The following MAP3K4 variants were observed in gnomAD, a reference collection of about 807,000 sequenced individuals.
MAP3K4 encodes mitogen-activated protein kinase kinase kinase 4, also known as MAP three kinase 1.
In MAP3K4, 67 loss-of-function variants were observed where a neutral mutation model predicts 185.6. The ratio of observed to expected loss-of-function variants is 0.36; its 90% CI spans 0.30 to 0.44. MAP3K4 has a LOEUF of 0.44. Among genes scored for constraint, MAP3K4 ranks in the 20% least tolerant of loss-of-function variants. MAP3K4 has a pLI of 1.00. For synonymous variants in MAP3K4, 702 were observed against 710.4 expected, an observed-to-expected ratio of 0.99 and a Z score of 0.19; for missense variants, 1,551 against 1,995.1, an observed-to-expected ratio of 0.78 and a Z score of 4.24.
chr6:160,992,381 A>G, intron 1 of MAP3K4: 5 of 450,052 alleles, frequency 1.1e-5, no homozygotes, highest in Non-Finnish European at 1.9e-5. Flanking sequence ...CTGGGAGCAG[A>G]GTGCGGCTGC....
At chr6:161,020,144 A>C (rs566795494) in intron 1 of MAP3K4, among the ~76,000 whole-genome samples, 3 of 152,224 alleles carry the variant, frequency 2.0e-5, no homozygotes, top group African/African-American at 7.2e-5. Context: ...AATACATGTC[A>C]CTGTGAGATA....
chr6:161,030,512 A>G (rs566529365), intron 1 of MAP3K4, among the ~76,000 whole-genome samples: 7 of 152,068 alleles, frequency 4.6e-5, no homozygotes, highest in African/African-American at 1.7e-4. Context: ...GTGCCAGCTC[A>G]AGTGATCCTC....
Position 161,091,664 on chromosome 6 carries a change from T to C in MAP3K4, c.3135+124T>C. 1 of 822,252 alleles carries C rather than the reference T, an allele frequency of 1.2e-6. No individual in the cohort carries two copies. Among genetic ancestry groups the C allele is most frequent in the Non-Finnish European group, 1.9e-6 (1 of 519,014 alleles). The allele number at this position is 822,252 out of a possible 1,614,324, so 50.9% of individuals were successfully genotyped here. ...TCATAGCTTAATCAAGAATATCATC[T>C]TATATCACTGCTGTATATCAGAGAT... On this transcript the variant is annotated intron_variant, in intron 12 of 26. Transcript: ENST00000392142. The surrounding 1 kb of genome is among the most constrained non-coding windows in gnomAD (Gnocchi z 5.5).
At position 161,073,580 on chromosome 6, in the gene MAP3K4, G is replaced by A. The variant is rs764381750; in HGVS notation, c.2065G>A (p.Ala689Thr). The A allele has an allele frequency of 3.5e-5, 57 of 1,613,878 alleles. No individual in the cohort carries two copies. Among genetic ancestry groups the A allele is most frequent in the South Asian group, 4.4e-5 (4 of 91,066 alleles). ...DLEKPDCNID[A>T]FEEDLHKMLM... is the part of the protein sequence containing the mutation. ...GGAGAAGCCCGACTGCAACATTGAC[G>A]CTTTTGAAGAGGATCTACATAAAAT... Residue 689 changes from alanine to threonine, a missense_variant, in exon 5 of 27, where the codon GCT becomes ACT. Ala to Thr is a moderately conservative substitution (Grantham distance 58). Transcript: ENST00000392142. This position sits in a 1 kb window ranked among gnomAD's most constrained non-coding sequence, Gnocchi z 4.2.
rs1785194750 is a variant in MAP3K4, at chr6:161,076,721, A to T, written c.2097+3109A>T. 6.6e-6 allele frequency among the ~76,000 whole-genome samples: 1 copy of T among 152,240 alleles called. No individual in the cohort carries two copies. The highest frequency in any genetic ancestry group is 6.5e-5 in the Admixed American group (1 of 15,284). On this transcript the variant is annotated intron_variant, in intron 5 of 26. Transcript: ENST00000392142. The surrounding 1 kb of genome is among the most constrained non-coding windows in gnomAD (Gnocchi z 4.2). ...GTAGAAGAGACACAAGAGAGCTCAC[A>T]TGTACACAATTTGAGTTTCTGCAGA...
chr6:161,060,936 A>G (rs1207931613), intron 3 of MAP3K4, among the ~76,000 whole-genome samples: 2 of 152,148 alleles, frequency 1.3e-5, no homozygotes, highest in Non-Finnish European at 2.9e-5. Flanking sequence ...AATCAGGTAC[A>G]TTTTTAAGGA....
In MAP3K4 at chr6:161,008,279, G is replaced by C. The variant is rs1781689504; in HGVS notation, c.152+16196G>C. ...TTTGTCGGACTCTTAGGATGTTTCT[G>C]TTTCTTTTACTGTTATGAATGAGGT... On this transcript the variant is annotated intron_variant, in intron 1 of 26. Coordinates refer to ENST00000392142, the MANE Select transcript of MAP3K4 (RefSeq NM_005922.4). This position sits in a 1 kb window ranked among gnomAD's most constrained non-coding sequence, Gnocchi z 4.1. 6.6e-6 allele frequency among the ~76,000 whole-genome samples: 1 copy of C among 152,008 alleles called. No individual in the cohort carries two copies. Among genetic ancestry groups the C allele is most frequent in the Non-Finnish European group, 1.5e-5 (1 of 67,966 alleles).
rs1778190696 is a variant in MAP3K4 at position 161,108,276 on chromosome 6, T to C, written c.4119+307T>C. Among the ~76,000 whole-genome samples, 1 of 152,174 alleles carries C rather than the reference T, an allele frequency of 6.6e-6. No individual in the cohort carries two copies. Among genetic ancestry groups the C allele is most frequent in the Non-Finnish European group, 1.5e-5 (1 of 68,026 alleles). Reference sequence around the variant, plus strand: ...GGAGAGGATTAACAGTAGTGTCTTATGGGGACACATTGGGGGAGAAGATAA... The same window carrying C: ...GGAGAGGATTAACAGTAGTGTCTTACGGGGACACATTGGGGGAGAAGATAA... On this transcript the variant is annotated intron_variant, in intron 21 of 26. Coordinates refer to ENST00000392142, the MANE Select transcript of MAP3K4 (RefSeq NM_005922.4). The surrounding 1 kb of genome is among the most constrained non-coding windows in gnomAD (Gnocchi z 5.7).
At chr6:161,044,640 TGTCA>T (rs959350056) in intron 2 of MAP3K4, among the ~76,000 whole-genome samples, 1 of 152,224 alleles carries the variant, frequency 6.6e-6, no homozygotes, top group Non-Finnish European at 1.5e-5. Flanking sequence ...TTACTCTCTG[TGTCA>T]GTCCATTTTG....
Position 161,093,754 on chromosome 6 carries a change from A to C in MAP3K4, c.3349-19A>C, listed in dbSNP as rs1302805611. On this transcript the variant is annotated intron_variant, in intron 14 of 26. Transcript: ENST00000392142. The surrounding 1 kb of genome is among the most constrained non-coding windows in gnomAD (Gnocchi z 5.2). The stretch of plus-strand genomic sequence containing the variant: ...TGCATGTTTTCTCTTTACCTTTCCC[A>C]TTTTCTTTTGGTTTCTAGAGTTTAC... The C allele has an allele frequency of 6.5e-7, 1 of 1,541,060 alleles. No homozygotes were observed. Among genetic ancestry groups the C allele is most frequent in the Non-Finnish European group, 8.9e-7 (1 of 1,119,572 alleles).
chr6:161,073,293 G>A lies in MAP3K4; in HGVS notation c.1951-173G>A. ...CACTGTTTTGTTGCTTCTCAATTGA[G>A]ACTACTAAGGTATTTACATAAAATG... On this transcript the variant is annotated intron_variant, in intron 4 of 26. Coordinates refer to ENST00000392142, the MANE Select transcript of MAP3K4 (RefSeq NM_005922.4). The surrounding 1 kb of genome is among the most constrained non-coding windows in gnomAD (Gnocchi z 4.2). 2.2e-6 allele frequency: 1 copy of A among 464,344 alleles called. No homozygotes were observed. The highest frequency in any genetic ancestry group is 3.7e-6 in the Non-Finnish European group (1 of 270,498). The allele number at this position is 464,344 out of a possible 1,614,324, so 28.8% of individuals were successfully genotyped here. A position where few individuals can be genotyped will look rare whatever the true frequency, so the allele number is the denominator to read the frequency against.
chr6:161,027,514 C>T (rs753166655), intron 1 of MAP3K4, among the ~76,000 whole-genome samples: 8 of 152,096 alleles, frequency 5.3e-5, no homozygotes, highest in Non-Finnish European at 7.4e-5. Flanking sequence ...CCAGAAAAAT[C>T]GCTCTACAAA....
At position 161,106,538 on chromosome 6, in the gene MAP3K4, T is replaced by C. The variant is rs772984696; in HGVS notation, c.3881T>C (p.Ile1294Thr). ...SKDTASKLGP[I>T]EAIQKSVRLF... Reference sequence around the variant, plus strand: ...GATACTGCTTCTAAACTAGGACCCATAGAAGCTATCCAGAAGTCAGTCCGA... The same window carrying C: ...GATACTGCTTCTAAACTAGGACCCACAGAAGCTATCCAGAAGTCAGTCCGA... The change falls in exon 20 of 27, where the codon ATA becomes ACA. Residue 1294 changes from isoleucine (I) to threonine (T), a missense_variant. Around this residue, in one of 16 missense-constraint regions of MAP3K4, gnomAD observed 272 missense variants for 301.2 expected, o/e 0.90. Coordinates refer to ENST00000392142, the MANE Select transcript of MAP3K4 (RefSeq NM_005922.4). This position sits in a 1 kb window ranked among gnomAD's most constrained non-coding sequence, Gnocchi z 4.9. 5 of 1,612,164 alleles carry C rather than the reference T, an allele frequency of 3.1e-6. No individual in the cohort carries two copies. Among genetic ancestry groups the C allele is most frequent in the Non-Finnish European group, 2.5e-6 (3 of 1,179,236 alleles).
chr6:161,067,253 A>G lies in MAP3K4; in HGVS notation c.1708-3355A>G. The G allele has an allele frequency of 2.3e-6, 1 of 442,896 alleles. No individual in the cohort carries two copies. Among genetic ancestry groups the G allele is most frequent in the Non-Finnish European group, 4.5e-6 (1 of 220,320 alleles). 27.4% of individuals were successfully genotyped at this position (442,896 alleles called of 1,614,324 possible). A position where few individuals can be genotyped will look rare whatever the true frequency, so the allele number is the denominator to read the frequency against. On this transcript the variant is annotated intron_variant, in intron 3 of 26. Transcript: ENST00000392142. The surrounding 1 kb of genome is among the most constrained non-coding windows in gnomAD (Gnocchi z 6.3). ...AAGATGTACATTGGTTCCATCCAGA[A>G]AGACAGGACAACTCGAAGCAGGGAT...
Position 161,106,449 on chromosome 6 carries a change from T to G in MAP3K4, c.3857-65T>G. ...TATATATTGCTCTATTTTTATTGGT[T>G]TGTCTTTTGGAAACTGACTTGATAA... is the stretch of plus-strand genomic sequence containing the variant. On this transcript the variant is annotated intron_variant, in intron 19 of 26. Transcript: ENST00000392142. The surrounding 1 kb of genome is among the most constrained non-coding windows in gnomAD (Gnocchi z 4.9). 1.6e-6 allele frequency: 2 copies of G among 1,213,840 alleles called. No individual in the cohort carries two copies. The highest frequency in any genetic ancestry group is 2.3e-6 in the Non-Finnish European group (2 of 858,710). The allele number at this position is 1,213,840 out of a possible 1,614,324, so 75.2% of individuals were successfully genotyped here.
At chr6:161,001,300 T>A (rs1781312219) in intron 1 of MAP3K4, among the ~76,000 whole-genome samples, 1 of 151,866 alleles carries the variant, frequency 6.6e-6, no homozygotes, top group Non-Finnish European at 1.5e-5. Context: ...ATAAATGTTA[T>A]CAAATAATTC....
chr6:161,030,511 C>A (rs1475575363), intron 1 of MAP3K4, among the ~76,000 whole-genome samples: 2 of 152,000 alleles, frequency 1.3e-5, no homozygotes, highest in Non-Finnish European at 2.9e-5. Flanking sequence ...GGTGCCAGCT[C>A]AAGTGATCCT....
chr6:161,002,962 C>T, intron 1 of MAP3K4, among the ~76,000 whole-genome samples: 1 of 152,112 alleles, frequency 6.6e-6, no homozygotes, highest in East Asian at 1.9e-4. Flanking sequence ...GAGCATTTTC[C>T]TATGACAGAC....
In MAP3K4 at chr6:161,013,935, C is replaced by G. The variant is rs148131594; in HGVS notation, c.153-20324C>G. Among the ~76,000 whole-genome samples, 422 of 152,318 alleles carry G rather than the reference C, an allele frequency of 2.8e-3. 1 individual carries two copies. The highest frequency in any genetic ancestry group is 4.7e-3 in the Non-Finnish European group (320 of 68,026). ...GGGCGTGTCTTATGGAAAGCAGATT[C>G]TGCCCCATCACTGTTTTAGCTAGTC... is the stretch of plus-strand genomic sequence containing the variant. On this transcript the variant is annotated intron_variant, in intron 1 of 26. Coordinates refer to ENST00000392142, the MANE Select transcript of MAP3K4 (RefSeq NM_005922.4).
Sources: allele counts gnomAD v4.1 joint callset (sites outside exome capture counted in the v4.1 genomes callset), GRCh38; gene constraint gnomAD v4.1.1; regional missense constraint gnomAD v4.1.1; non-coding constraint Gnocchi (gnomAD v3.1); transcripts MANE v1.5; gene names NCBI Gene and HGNC (gene_info 2026-07-23, HGNC 2026-07-21).